The following CLMP variants were observed in gnomAD, a reference collection of about 807,000 sequenced individuals.
The protein encoded by CLMP is CXADR like cell adhesion molecule.
Under a neutral mutation model 45.2 loss-of-function variants are expected in CLMP, and 27 were observed. The observed-to-expected ratio is 0.60, with a 90% CI of 0.44 to 0.82. CLMP has a LOEUF of 0.82. Among genes scored for constraint, CLMP ranks in the 40% least tolerant of loss-of-function variants. The pLI, the probability that CLMP is intolerant of heterozygous loss-of-function variation, is 0.00. For missense variants in CLMP, 403 were observed against 448.4 expected, an observed-to-expected ratio of 0.90 and a Z score of 0.91; for synonymous variants, 167 against 171.4, an observed-to-expected ratio of 0.97 and a Z score of 0.20.
chr11:123,084,175 G>A (rs1023272615), intron 3 of CLMP, among the ~76,000 whole-genome samples: 1 of 152,112 alleles, frequency 6.6e-6, no homozygotes, highest in African/African-American at 2.4e-5. Flanking sequence ...TATTAATTTG[G>A]AAGCAATTAA....
chr11:123,180,488 G>A (rs779529395), intron 1 of CLMP, among the ~76,000 whole-genome samples: 2 of 151,956 alleles, frequency 1.3e-5, no homozygotes, highest in African/African-American at 2.4e-5. Flanking sequence ...CTTGCTCTTG[G>A]ACTTCCCAAC....
intron 1 of CLMP, among the ~76,000 whole-genome samples, chr11:123,152,283 G>A (rs990416243): frequency 2.6e-5 from 4 of 152,056 alleles, no homozygotes; most frequent in Non-Finnish European, 5.9e-5. Flanking sequence ...CAGCACTTTG[G>A]GAGGCTGAGA....
At chr11:123,090,586 G>A (rs545316712) in intron 2 of CLMP, among the ~76,000 whole-genome samples, 25 of 152,234 alleles carry the variant, frequency 1.6e-4, no homozygotes, top group African/African-American at 4.8e-4. Flanking sequence ...AGGGGGCTGC[G>A]TTACTTCATA....
chr11:123,148,711 C>T (rs1861271765), intron 1 of CLMP, among the ~76,000 whole-genome samples: 1 of 152,208 alleles, frequency 6.6e-6, no homozygotes, highest in Admixed American at 6.5e-5. Flanking sequence ...CTTCTGCCCT[C>T]ATGTCCTAGA....
At chr11:123,158,113 G>A (rs1323927392) in intron 1 of CLMP, among the ~76,000 whole-genome samples, 1 of 152,136 alleles carries the variant, frequency 6.6e-6, no homozygotes, top group Non-Finnish European at 1.5e-5. Flanking sequence ...GCAAGCCTTT[G>A]TCAGGGCAGG....
Position 123,137,153 on chromosome 11 carries a change from T to TC in CLMP, c.29-39202_29-39201insG, listed in dbSNP as rs1203253706. On this transcript the variant is annotated intron_variant, in intron 1 of 6. Coordinates refer to ENST00000448775, the MANE Select transcript of CLMP (RefSeq NM_024769.5). ...TTTCTCTTTTTTTCTTTTTCTTTTT[T>TC]TTTTTTTTTTTTTTTTTTGAGATGG... 9.5e-4 allele frequency among the ~76,000 whole-genome samples: 74 copies of TC among 78,232 alleles called. 1 individual carries two copies. Among genetic ancestry groups the TC allele is most frequent in the African/African-American group, 3.8e-3 (71 of 18,762 alleles). 51.3% of individuals were successfully genotyped at this position (78,232 alleles called of 152,430 possible). A position where few individuals can be genotyped will look rare whatever the true frequency, so the allele number is the denominator to read the frequency against.
chr11:123,139,650 C>T (rs575328516), intron 1 of CLMP, among the ~76,000 whole-genome samples: 1 of 152,104 alleles, frequency 6.6e-6, no homozygotes, highest in South Asian at 2.1e-4. Context: ...CATGGTGAAA[C>T]CTCGTCTCTA....
At chr11:123,160,315 AG>A in intron 1 of CLMP, among the ~76,000 whole-genome samples, 1 of 151,766 alleles carries the variant, frequency 6.6e-6, no homozygotes, top group Admixed American at 6.6e-5. Flanking sequence ...GGAAAGTAAA[AG>A]AATTTATTTC....
At chr11:123,117,487 T>C (rs1860734782) in intron 1 of CLMP, among the ~76,000 whole-genome samples, 1 of 152,008 alleles carries the variant, frequency 6.6e-6, no homozygotes, top group African/African-American at 2.4e-5. Flanking sequence ...AGTGCAGTGG[T>C]ACGATCTCAG....
intron 1 of CLMP, among the ~76,000 whole-genome samples, chr11:123,139,903 T>C (rs1398634371): frequency 6.6e-6 from 1 of 152,124 alleles, no homozygotes; most frequent in Non-Finnish European, 1.5e-5. Flanking sequence ...GAGAAGTACA[T>C]AATAGATGCT....
At chr11:123,157,128 AG>A (rs1861425273) in intron 1 of CLMP, among the ~76,000 whole-genome samples, 1 of 152,222 alleles carries the variant, frequency 6.6e-6, no homozygotes, top group South Asian at 2.1e-4. Flanking sequence ...TAGCCACAGA[AG>A]GGTGGAATAT....
intron 1 of CLMP, among the ~76,000 whole-genome samples, chr11:123,107,006 G>A (rs1455411280): frequency 8.1e-5 from 12 of 148,414 alleles, no homozygotes; most frequent in Non-Finnish European, 1.3e-4. Context: ...GCGACAGAGC[G>A]AGACTCCGTC....
At chr11:123,102,728 T>TC (rs1860472353) in intron 1 of CLMP, among the ~76,000 whole-genome samples, 1 of 136,188 alleles carries the variant, frequency 7.3e-6, no homozygotes, top group African/African-American at 2.7e-5. Context: ...TTTTTTTTTT[T>TC]GTATTTTTAG....
rs531422199 is a variant in CLMP, at chr11:123,184,019, T to A, written c.28+10894A>T. On this transcript the variant is annotated intron_variant, in intron 1 of 6. Coordinates refer to ENST00000448775, the MANE Select transcript of CLMP (RefSeq NM_024769.5). Reference sequence around the variant, plus strand: ...CATCTGCAAAATGAAGGCTGTCATCTGTCTCATAATGTTATCTTGAAGATT... The same window carrying A: ...CATCTGCAAAATGAAGGCTGTCATCAGTCTCATAATGTTATCTTGAAGATT... Among the ~76,000 whole-genome samples, 11 of 152,358 alleles carry A rather than the reference T, an allele frequency of 7.2e-5. No homozygotes were observed. The East Asian group carries it at 2.1e-3, about 29-fold the overall frequency.
intron 1 of CLMP, among the ~76,000 whole-genome samples, chr11:123,150,536 CAAGCAAGG>C (rs1861317911): frequency 3.6e-5 from 2 of 55,766 alleles, no homozygotes; most frequent in Non-Finnish European, 6.7e-5. Flanking sequence ...AGGAAAGAAA[CAAGCAAGG>C]AAGGAAGGAA....
chr11:123,147,873 T>C lies in CLMP; in HGVS notation c.28+47040A>G, dbSNP rs535393530. 2.2e-4 allele frequency among the ~76,000 whole-genome samples: 33 copies of C among 151,418 alleles called. 2 individuals are homozygous for C. In the South Asian group the frequency reaches 6.3e-3, roughly 29 times the overall value. ...TCTGTTGCCCAGGCTGGATCAGTGG[T>C]GTGATCATGGCTCACTGCAGCCTCG... On this transcript the variant is annotated intron_variant, in intron 1 of 6. Transcript: ENST00000448775.
chr11:123,176,751 C>T (rs753845468), intron 1 of CLMP, among the ~76,000 whole-genome samples: 18 of 152,172 alleles, frequency 1.2e-4, no homozygotes, highest in Non-Finnish European at 2.2e-4. Context: ...GTATGCATCT[C>T]CCTGGTTCTA....
intron 1 of CLMP, among the ~76,000 whole-genome samples, chr11:123,140,124 G>T (rs1027405243): frequency 2.0e-5 from 3 of 152,222 alleles, no homozygotes; most frequent in Non-Finnish European, 2.9e-5. Context: ...GTTAGGGATG[G>T]ATCGTAAAGT....
intron 1 of CLMP, among the ~76,000 whole-genome samples, chr11:123,184,070 C>T (rs1172044796): frequency 6.6e-6 from 1 of 152,182 alleles, no homozygotes; most frequent in Non-Finnish European, 1.5e-5. Context: ...GGGATAAGCA[C>T]TTAGCCTAGA....
Sources: allele counts gnomAD v4.1 joint callset (sites outside exome capture counted in the v4.1 genomes callset), GRCh38; gene constraint gnomAD v4.1.1; transcripts MANE v1.5; gene names NCBI Gene and HGNC (gene_info 2026-07-23, HGNC 2026-07-21).